CHRM3: variants seen among roughly 807,000 people sequenced by gnomAD.
CHRM3 encodes the protein muscarinic acetylcholine receptor M3.
In CHRM3, 11 loss-of-function variants were observed where a neutral mutation model predicts 41.8. That is an observed-to-expected ratio of 0.26 (90% CI 0.17 to 0.44). The LOEUF is 0.44. CHRM3 is among the 20% of genes least tolerant of loss of function. The probability of loss-of-function intolerance (pLI) is 1.00; values close to 1 mark genes in which losing one functional copy is unlikely to be tolerated. For synonymous variants in CHRM3, 297 were observed against 301.4 expected, an observed-to-expected ratio of 0.99 and a Z score of 0.15; for missense variants, 571 against 745.4, an observed-to-expected ratio of 0.77 and a Z score of 2.72.
chr1:239,891,395 C>T (rs1341499258), intron 6 of CHRM3, among the ~76,000 whole-genome samples: 1 of 152,016 alleles, frequency 6.6e-6, no homozygotes, highest in Non-Finnish European at 1.5e-5. Context: ...CTTTCACATG[C>T]CAACTGAAAA....
intron 3 of CHRM3, among the ~76,000 whole-genome samples, chr1:239,553,417 GAC>G: frequency 6.6e-6 from 1 of 152,136 alleles, no homozygotes; most frequent in Admixed American, 6.5e-5. Context: ...TCTATTTGGA[GAC>G]ACATTCTCAG....
intron 2 of CHRM3, among the ~76,000 whole-genome samples, chr1:239,516,134 G>C (rs1431065470): frequency 1.3e-5 from 2 of 152,018 alleles, no homozygotes; most frequent in African/African-American, 4.8e-5. Flanking sequence ...TTGTAGGCTA[G>C]TCCTGCTAGT....
chr1:239,878,880 G>A (rs1461773479), intron 6 of CHRM3, among the ~76,000 whole-genome samples: 1 of 152,184 alleles, frequency 6.6e-6, no homozygotes, highest in Non-Finnish European at 1.5e-5. Context: ...TCAGCCTGAG[G>A]AGGAAGGGCT....
At chr1:239,796,486 TAATG>T (rs1669782984) in intron 5 of CHRM3, among the ~76,000 whole-genome samples, 1 of 152,182 alleles carries the variant, frequency 6.6e-6, no homozygotes, top group Non-Finnish European at 1.5e-5. Context: ...GTCTCATAAA[TAATG>T]AATGGGAACT....
At chr1:239,455,560 T>C (rs1258358327) in intron 1 of CHRM3, among the ~76,000 whole-genome samples, 2 of 152,114 alleles carry the variant, frequency 1.3e-5, no homozygotes, top group African/African-American at 2.4e-5. Flanking sequence ...CGGTGTGTGT[T>C]TCTGTCTTAG....
intron 3 of CHRM3, among the ~76,000 whole-genome samples, chr1:239,556,771 A>C (rs1388872589): frequency 7.3e-5 from 11 of 151,350 alleles, no homozygotes; most frequent in Non-Finnish European, 1.3e-4. Flanking sequence ...ATGTATGACA[A>C]AAAGAAACCA....
At chr1:239,550,170 T>C (rs1241419373) in intron 3 of CHRM3, among the ~76,000 whole-genome samples, 1 of 152,110 alleles carries the variant, frequency 6.6e-6, no homozygotes, top group Non-Finnish European at 1.5e-5. Flanking sequence ...TCCCAGGAGC[T>C]TCCTTGTGCT....
At chr1:239,571,431 G>A (rs1661818356) in intron 3 of CHRM3, among the ~76,000 whole-genome samples, 1 of 152,200 alleles carries the variant, frequency 6.6e-6, no homozygotes, top group Non-Finnish European at 1.5e-5. Flanking sequence ...ACACTGAGGT[G>A]CACAGCTGTG....
intron 1 of CHRM3, among the ~76,000 whole-genome samples, chr1:239,429,383 A>G (rs1219073875): frequency 6.6e-6 from 1 of 152,222 alleles, no homozygotes; most frequent in African/African-American, 2.4e-5. Flanking sequence ...AATTGAATCT[A>G]GCAAGTAAGG....
At chr1:239,683,019 A>G (rs924334182) in intron 5 of CHRM3, among the ~76,000 whole-genome samples, 26 of 152,248 alleles carry the variant, frequency 1.7e-4, no homozygotes, top group African/African-American at 6.3e-4. Context: ...AGCTACTTTG[A>G]AATAGACAAT....
In CHRM3 at chr1:239,748,591, G is replaced by A. The variant is rs1055613789; in HGVS notation, c.-147+70303G>A. On this transcript the variant is annotated intron_variant, in intron 5 of 6. Coordinates refer to ENST00000676153, the MANE Select transcript of CHRM3 (RefSeq NM_001375978.1). The surrounding 1 kb of genome is among the most constrained non-coding windows in gnomAD (Gnocchi z 4.3). ...TCTAGGTCAGAAAAATTTAAACTAC[G>A]AAGTTATTAACCAGAATCAATTTGT... Among the ~76,000 whole-genome samples the A allele has an allele frequency of 4.6e-5, 7 of 152,238 alleles. No homozygotes were observed. In the East Asian group the frequency reaches 5.8e-4, roughly 13 times the overall value.
intron 2 of CHRM3, among the ~76,000 whole-genome samples, chr1:239,526,360 T>G (rs986540286): frequency 2.6e-5 from 4 of 152,196 alleles, no homozygotes; most frequent in African/African-American, 9.7e-5. Flanking sequence ...CAAATCCTGA[T>G]GAGGTTTTAC....
intron 6 of CHRM3, among the ~76,000 whole-genome samples, chr1:239,828,177 C>T (rs1672608818): frequency 6.6e-6 from 1 of 152,106 alleles, no homozygotes; most frequent in Non-Finnish European, 1.5e-5. Flanking sequence ...CACATATATA[C>T]ACATACGGAT....
chr1:239,388,313 A>G (rs964886134), intron 1 of CHRM3, among the ~76,000 whole-genome samples: 3 of 152,220 alleles, frequency 2.0e-5, no homozygotes, highest in Non-Finnish European at 4.4e-5. Context: ...ATGTGTGGTT[A>G]AGAACACTGG....
chr1:239,579,990 C>T (rs973679765), intron 3 of CHRM3, among the ~76,000 whole-genome samples: 4 of 152,256 alleles, frequency 2.6e-5, no homozygotes, highest in African/African-American at 7.2e-5. Flanking sequence ...GGTTCCCTGG[C>T]TCCAGTGTTC....
intron 5 of CHRM3, among the ~76,000 whole-genome samples, chr1:239,787,237 CACCT>C (rs1668974582): frequency 6.6e-6 from 1 of 152,142 alleles, no homozygotes; most frequent in African/African-American, 2.4e-5. Context: ...TCATGGTATC[CACCT>C]GGTGGCTGAA....
chr1:239,555,987 T>C (rs1489457621), intron 3 of CHRM3, among the ~76,000 whole-genome samples: 1 of 152,306 alleles, frequency 6.6e-6, no homozygotes, highest in Non-Finnish European at 1.5e-5. Context: ...TTTTTAGTGA[T>C]CTTTGGAGGC....
intron 3 of CHRM3, among the ~76,000 whole-genome samples, chr1:239,559,263 CCTGAGT>C (rs201874671): frequency 0.012 from 1,878 of 152,198 alleles, 44 homozygotes; most frequent in African/African-American, 0.043. Context: ...ATGCTGTGAG[CCTGAGT>C]CAGGATCATA....
chr1:239,534,341 A>G (rs1326385625), intron 2 of CHRM3, among the ~76,000 whole-genome samples: 1 of 152,216 alleles, frequency 6.6e-6, no homozygotes, highest in Non-Finnish European at 1.5e-5. Context: ...AGAAAATTTT[A>G]GGAGAACGTG....
Sources: allele counts gnomAD v4.1 joint callset (sites outside exome capture counted in the v4.1 genomes callset), GRCh38; gene constraint gnomAD v4.1.1; non-coding constraint Gnocchi (gnomAD v3.1); transcripts MANE v1.5; gene names NCBI Gene and HGNC (gene_info 2026-07-23, HGNC 2026-07-21).